EYA4: variants seen among roughly 807,000 people sequenced by gnomAD.
EYA4 encodes protein phosphatase EYA4.
Under a neutral mutation model 87.9 loss-of-function variants are expected in EYA4, and 31 were observed. The ratio of observed to expected loss-of-function variants is 0.35; its 90% CI spans 0.27 to 0.48. EYA4 has a LOEUF of 0.48. Ranked by LOEUF, EYA4 falls within the 20% of genes least tolerant of loss-of-function variation. The pLI, the probability that EYA4 is intolerant of heterozygous loss-of-function variation, is 0.99. For missense variants in EYA4, 678 were observed against 761.4 expected, an observed-to-expected ratio of 0.89 and a Z score of 1.29; for synonymous variants, 263 against 270.6, an observed-to-expected ratio of 0.97 and a Z score of 0.28.
intron 17 of EYA4, among the ~76,000 whole-genome samples, chr6:133,518,330 A>G (rs1325623246): frequency 2.6e-5 from 4 of 152,142 alleles, no homozygotes; most frequent in African/African-American, 9.7e-5. Context: ...TATAACAAGG[A>G]AGGGAGGAGA....
intron 2 of EYA4, among the ~76,000 whole-genome samples, chr6:133,319,035 G>A (rs1331458899): frequency 2.6e-5 from 4 of 152,286 alleles, no homozygotes; most frequent in African/African-American, 4.8e-5. Flanking sequence ...AGGCAGCTCC[G>A]TGCTGTCTAG....
At chr6:133,416,705 G>A (rs543221192) in intron 3 of EYA4, among the ~76,000 whole-genome samples, 112 of 152,182 alleles carry the variant, frequency 7.4e-4, no homozygotes, top group Non-Finnish European at 1.1e-3. Context: ...ATTGAGAATA[G>A]AGGCCCCAAA....
intron 11 of EYA4, among the ~76,000 whole-genome samples, chr6:133,480,381 C>A (rs1424610257): frequency 6.6e-6 from 1 of 152,052 alleles, no homozygotes; most frequent in Admixed American, 6.6e-5. Flanking sequence ...GTATTTTTAT[C>A]GCATTTTGGG....
chr6:133,477,554 C>T (rs992900679), intron 11 of EYA4, among the ~76,000 whole-genome samples: 3 of 151,864 alleles, frequency 2.0e-5, no homozygotes, highest in Admixed American at 6.6e-5. Flanking sequence ...TTTTCTCTCA[C>T]TCTAGTAGGT....
intron 6 of EYA4, 44 bp downstream of exon 6, chr6:133,456,692 C>A (rs1311117093): frequency 8.9e-7 from 1 of 1,124,138 alleles, no homozygotes; most frequent in Admixed American, 1.7e-5. Context: ...CATGGGGGTG[C>A]ATCCACATCC....
At chr6:133,475,854 A>C (rs955362235) in intron 11 of EYA4, among the ~76,000 whole-genome samples, 3 of 152,174 alleles carry the variant, frequency 2.0e-5, no homozygotes, top group Non-Finnish European at 2.9e-5. Context: ...AAAGGAATAG[A>C]GGTCAGTACA....
At chr6:133,269,458 GTTA>G (rs1388217706) in intron 1 of EYA4, among the ~76,000 whole-genome samples, 4 of 151,746 alleles carry the variant, frequency 2.6e-5, no homozygotes, top group Non-Finnish European at 4.4e-5. Flanking sequence ...ATATACATGT[GTTA>G]TTATTATTTT....
chr6:133,528,644 T>C lies in EYA4; in HGVS notation c.1840-81T>C. 1.5e-5 allele frequency: 15 copies of C among 1,017,318 alleles called. No homozygotes were observed. The South Asian group carries it at 1.8e-4, about 12-fold the overall frequency. 63.0% of individuals were successfully genotyped at this position (1,017,318 alleles called of 1,614,324 possible). On this transcript the variant is annotated intron_variant, in intron 19 of 19. Transcript: ENST00000355286. ...CATCCCTGTGTGTGCTGCTGCTTCA[T>C]TGAGACAATGGTTGTGATCTCTCTC...
chr6:133,335,637 A>G (rs933095233), intron 2 of EYA4, among the ~76,000 whole-genome samples: 7 of 152,180 alleles, frequency 4.6e-5, no homozygotes, highest in Non-Finnish European at 1.0e-4. Context: ...AAACTAATAA[A>G]TAGGAATTAA....
rs553674521 is a variant in EYA4, at chr6:133,455,778, T to C, written c.278-778T>C. Among the ~76,000 whole-genome samples the C allele has an allele frequency of 4.6e-5, 7 of 152,288 alleles. No homozygotes were observed. The South Asian group carries it at 1.0e-3, about 23-fold the overall frequency. ...AAGCCTTGCCAACAAAGGGAAAATATGGTGTGACCAAATGGGTAAAACTTT... is the reference window on the plus strand; with the variant it reads ...AAGCCTTGCCAACAAAGGGAAAATACGGTGTGACCAAATGGGTAAAACTTT... On this transcript the variant is annotated intron_variant, in intron 5 of 19. Coordinates refer to ENST00000355286, the MANE Select transcript of EYA4 (RefSeq NM_004100.5).
rs145429141 is a variant in EYA4, at chr6:133,446,567, G to A, written c.84-63G>A. 1.1e-3 allele frequency: 1,658 copies of A among 1,575,972 alleles called. 21 individuals carry two copies. The African/African-American group carries it at 0.019, about 18-fold the overall frequency. On this transcript the variant is annotated intron_variant, in intron 3 of 19. Coordinates refer to ENST00000355286, the MANE Select transcript of EYA4 (RefSeq NM_004100.5). ...TCACGTGGTCAATAGAATAATATTTGTAATCTATTAAAAAATAACTGCTGC... is the reference window on the plus strand; with the variant it reads ...TCACGTGGTCAATAGAATAATATTTATAATCTATTAAAAAATAACTGCTGC...
chr6:133,369,427 G>A lies in EYA4; in HGVS notation c.34-12965G>A, dbSNP rs527600642. Among the ~76,000 whole-genome samples, 8 of 152,056 alleles carry A rather than the reference G, an allele frequency of 5.3e-5. No individual in the cohort carries two copies. In the East Asian group the frequency reaches 1.5e-3, roughly 29 times the overall value. On this transcript the variant is annotated intron_variant, in intron 2 of 19. Coordinates refer to ENST00000355286, the MANE Select transcript of EYA4 (RefSeq NM_004100.5). ...TATTACATAAAATGTTAACATCTGT[G>A]TGAGCATTTATAATTGTGTTCATCC...
chr6:133,372,271 TAATTTA>T (rs1785323734), intron 2 of EYA4, among the ~76,000 whole-genome samples: 1 of 152,124 alleles, frequency 6.6e-6, no homozygotes, highest in South Asian at 2.1e-4. Flanking sequence ...AGTTTACAGG[TAATTTA>T]AATTGTTTTT....
chr6:133,496,958 A>G (rs1362502344), intron 13 of EYA4, among the ~76,000 whole-genome samples: 2 of 152,172 alleles, frequency 1.3e-5, no homozygotes, highest in Admixed American at 6.5e-5. Context: ...TGTCAATCAT[A>G]TCCTGAAATT....
At chr6:133,327,569 C>T (rs552873972) in intron 2 of EYA4, among the ~76,000 whole-genome samples, 22 of 152,232 alleles carry the variant, frequency 1.4e-4, no homozygotes, top group African/African-American at 5.1e-4. Flanking sequence ...CAAAATAAAA[C>T]TAATGCTAAC....
At chr6:133,451,959 T>G (rs1413955045) in intron 5 of EYA4, among the ~76,000 whole-genome samples, 1 of 152,164 alleles carries the variant, frequency 6.6e-6, no homozygotes, top group Non-Finnish European at 1.5e-5. Flanking sequence ...TTGTAGATTT[T>G]TTTTTAGAAT....
chr6:133,474,220 G>T (rs894844554), intron 11 of EYA4, among the ~76,000 whole-genome samples: 4 of 152,004 alleles, frequency 2.6e-5, no homozygotes, highest in South Asian at 2.1e-4. Context: ...AAACCCATTT[G>T]TGTACTCAGA....
Position 133,446,619 on chromosome 6 carries a change from T to G in EYA4, c.84-11T>G. The G allele has an allele frequency of 6.2e-7, 1 of 1,613,960 alleles. No individual in the cohort carries two copies. The highest frequency in any genetic ancestry group is 8.5e-7 in the Non-Finnish European group (1 of 1,179,896). ...ATTTCAACTTTTCTCTGCTGCTTAC[T>G]GCTCTACCAGGTCTATGGAAATGCA... On this transcript the variant is annotated splice_polypyrimidine_tract_variant and intron_variant, in intron 3 of 19. Transcript: ENST00000355286.
At chr6:133,480,703 T>G (rs1281986817) in intron 11 of EYA4, among the ~76,000 whole-genome samples, 1 of 152,174 alleles carries the variant, frequency 6.6e-6, no homozygotes, top group Non-Finnish European at 1.5e-5. Flanking sequence ...AACATAGAAG[T>G]GATGATAATT....
Sources: allele counts gnomAD v4.1 joint callset (sites outside exome capture counted in the v4.1 genomes callset), GRCh38; gene constraint gnomAD v4.1.1; transcripts MANE v1.5; gene names NCBI Gene and HGNC (gene_info 2026-07-23, HGNC 2026-07-21).